CAMTA1: variants seen among roughly 807,000 people sequenced by gnomAD.
The protein encoded by CAMTA1 is calmodulin-binding transcription activator 1.
In CAMTA1, 27 loss-of-function variants were observed where a neutral mutation model predicts 170.9. That is an observed-to-expected ratio of 0.16 (90% confidence interval 0.12 to 0.22). The LOEUF is 0.22. Among genes scored for constraint, CAMTA1 ranks in the 10% least tolerant of loss-of-function variants. The pLI is 1.00. For missense variants in CAMTA1, 1,619 were observed against 2,217.2 expected (o/e 0.73, Z 5.42); for synonymous variants, 833 against 891.5 (o/e 0.93, Z 1.17).
chr1:7,116,215 T>G (rs970606189), intron 4 of CAMTA1, among the ~76,000 whole-genome samples: 11 of 152,214 alleles, frequency 7.2e-5, no homozygotes, highest in Non-Finnish European at 1.5e-4. Flanking sequence ...TCTTCACCAC[T>G]GACTCAGCTA....
At chr1:6,962,432 C>A (rs1288121779) in intron 3 of CAMTA1, among the ~76,000 whole-genome samples, 2 of 150,022 alleles carry the variant, frequency 1.3e-5, no homozygotes, top group Non-Finnish European at 3.0e-5. Context: ...CCCGGGCCCA[C>A]CCTTTCTATA....
intron 4 of CAMTA1, among the ~76,000 whole-genome samples, chr1:7,232,417 A>G (rs755426964): frequency 5.3e-5 from 8 of 152,212 alleles, no homozygotes; most frequent in Non-Finnish European, 1.2e-4. Context: ...GTGCGTTTTT[A>G]TGTTTTGCAC....
chr1:7,103,603 A>G (rs1206569151), intron 4 of CAMTA1, among the ~76,000 whole-genome samples: 6 of 124,534 alleles, frequency 4.8e-5, no homozygotes, highest in Non-Finnish European at 9.9e-5. Flanking sequence ...ACACACATGT[A>G]CACAACTACA....
intron 5 of CAMTA1, among the ~76,000 whole-genome samples, chr1:7,367,108 C>A (rs897855746): frequency 1.3e-5 from 2 of 152,186 alleles, no homozygotes; most frequent in South Asian, 4.1e-4. Context: ...AGAGAGGTGA[C>A]CTCCATTATG....
intron 6 of CAMTA1, among the ~76,000 whole-genome samples, chr1:7,579,942 C>T (rs918246888): frequency 2.0e-5 from 3 of 152,248 alleles, no homozygotes; most frequent in Non-Finnish European, 4.4e-5. Flanking sequence ...GTTCTGAGAT[C>T]TGGGTCGTGG....
chr1:7,501,205 C>T (rs1359218228), intron 6 of CAMTA1, among the ~76,000 whole-genome samples: 2 of 152,126 alleles, frequency 1.3e-5, no homozygotes, highest in Non-Finnish European at 2.9e-5. Flanking sequence ...CTGCCTCAGT[C>T]CCTGCCCTTC....
intron 5 of CAMTA1, among the ~76,000 whole-genome samples, chr1:7,375,033 A>G (rs1354986183): frequency 6.6e-6 from 1 of 152,204 alleles, no homozygotes; most frequent in Non-Finnish European, 1.5e-5. Flanking sequence ...TGCGATAACC[A>G]GCAGATAGCC....
chr1:7,297,421 G>T lies in CAMTA1; in HGVS notation c.438+47795G>T, dbSNP rs1421694517. 3.9e-5 allele frequency among the ~76,000 whole-genome samples: 6 copies of T among 152,170 alleles called. No homozygotes were observed. The South Asian group carries it at 1.2e-3, about 32-fold the overall frequency. On this transcript the variant is annotated intron_variant, in intron 5 of 22. Transcript: ENST00000303635. ...TGTTCCTAAGGCCTGGCCTTTTGGGGAACAAATGCCCAAGGTACTCAGCAA... is the reference window on the plus strand; with the variant it reads ...TGTTCCTAAGGCCTGGCCTTTTGGGTAACAAATGCCCAAGGTACTCAGCAA...
At position 7,680,850 on chromosome 1, in the gene CAMTA1, G is replaced by GCGCC. The variant is rs1467703449; in HGVS notation, c.2914+3120_2914+3121insCCGC. Among the ~76,000 whole-genome samples the GCGCC allele has an allele frequency of 9.4e-6, 1 of 106,564 alleles. No homozygotes were observed. Among genetic ancestry groups the GCGCC allele is most frequent in the Non-Finnish European group, 2.1e-5 (1 of 47,806 alleles). The allele number at this position is 106,564 out of a possible 152,430, so 69.9% of individuals were successfully genotyped here. On this transcript the variant is annotated intron_variant, in intron 11 of 22. Transcript: ENST00000303635. This position sits in a 1 kb window ranked among gnomAD's most constrained non-coding sequence, Gnocchi z 4.4. ...TCCGGGGCGCAGAGAACACGCGCGC[G>GCGCC]CGCGCGCGCGCCAGCAGCAGCAGCA...
intron 4 of CAMTA1, among the ~76,000 whole-genome samples, chr1:7,149,798 C>T (rs1391437221): frequency 8.5e-5 from 13 of 152,248 alleles, no homozygotes; most frequent in South Asian, 2.1e-4. Flanking sequence ...GAGGTGCCGA[C>T]GGTGCCCAGG....
intron 5 of CAMTA1, among the ~76,000 whole-genome samples, chr1:7,371,565 C>T (rs1200943254): frequency 2.0e-5 from 3 of 152,206 alleles, no homozygotes; most frequent in African/African-American, 7.2e-5. Flanking sequence ...CAGCCACACT[C>T]CATGTTTTCT....
chr1:7,499,856 G>T (rs1235987374), intron 6 of CAMTA1, among the ~76,000 whole-genome samples: 1 of 148,016 alleles, frequency 6.8e-6, no homozygotes, highest in African/African-American at 2.5e-5. Context: ...GTGTGTACAT[G>T]AGTGTATATA....
At chr1:6,898,806 A>ACCT (rs1676217846) in intron 3 of CAMTA1, among the ~76,000 whole-genome samples, 1 of 152,216 alleles carries the variant, frequency 6.6e-6, no homozygotes. Context: ...CTAGCCTGAT[A>ACCT]CCAAGAAGGA....
intron 3 of CAMTA1, among the ~76,000 whole-genome samples, chr1:6,969,795 T>C (rs1399930881): frequency 6.6e-6 from 1 of 152,216 alleles, no homozygotes; most frequent in East Asian, 1.9e-4. Flanking sequence ...TTTTAAACTT[T>C]TTATTTTGAA....
chr1:7,755,592 A>AC, intron 21 of CAMTA1, 46 bp from the exon 22 acceptor site: 1 of 1,438,304 alleles, frequency 7.0e-7, no homozygotes, highest in Non-Finnish European at 9.8e-7. Flanking sequence ...TTCTGTTGTG[A>AC]CCCTCATGTG....
Position 7,051,180 on chromosome 1 carries a change from T to A in CAMTA1, c.235-40124T>A, listed in dbSNP as rs563738436. Among the ~76,000 whole-genome samples the A allele has an allele frequency of 2.6e-5, 4 of 152,220 alleles. No homozygotes were observed. In the South Asian group the frequency reaches 8.3e-4, roughly 32 times the overall value. On this transcript the variant is annotated intron_variant, in intron 3 of 22. Coordinates refer to ENST00000303635, the MANE Select transcript of CAMTA1 (RefSeq NM_015215.4). ...CGGAAGGTTGATACAGCACCTCGGG[T>A]CTGAACGTTCTCTCCCAGTGCTTAT... is the stretch of plus-strand genomic sequence containing the variant.
chr1:7,386,115 C>T (rs1047782182), intron 5 of CAMTA1, among the ~76,000 whole-genome samples: 1 of 152,202 alleles, frequency 6.6e-6, no homozygotes, highest in African/African-American at 2.4e-5. Flanking sequence ...GAGACACATG[C>T]GCACAGCCCC....
At chr1:6,954,318 G>T (rs988567019) in intron 3 of CAMTA1, among the ~76,000 whole-genome samples, 5 of 152,206 alleles carry the variant, frequency 3.3e-5, no homozygotes, top group Non-Finnish European at 7.3e-5. Flanking sequence ...CTGTTGTGGG[G>T]TTGAAGGGGA....
At chr1:6,907,373 C>A (rs1038875951) in intron 3 of CAMTA1, among the ~76,000 whole-genome samples, 1 of 152,140 alleles carries the variant, frequency 6.6e-6, no homozygotes, top group Non-Finnish European at 1.5e-5. Flanking sequence ...GCGCCCCCTC[C>A]TGCCCTCCCC....
Sources: allele counts gnomAD v4.1 joint callset (sites outside exome capture counted in the v4.1 genomes callset), GRCh38; gene constraint gnomAD v4.1.1; non-coding constraint Gnocchi (gnomAD v3.1); transcripts MANE v1.5; gene names NCBI Gene and HGNC (gene_info 2026-07-23, HGNC 2026-07-21).